The following UBE2E1 variants were observed in gnomAD, a reference collection of about 807,000 sequenced individuals.
The protein encoded by UBE2E1 is ubiquitin conjugating enzyme E2 E1, also known as ubiquitin-conjugating enzyme E2 E1.
In UBE2E1, 6 loss-of-function variants were observed where a neutral mutation model predicts 21.4. That is an observed-to-expected ratio of 0.28 (90% CI 0.15 to 0.55). UBE2E1 has a LOEUF of 0.55. Among genes scored for constraint, UBE2E1 ranks in the 20% least tolerant of loss-of-function variants. UBE2E1 has a pLI of 0.93. For synonymous variants in UBE2E1, 87 were observed against 82.7 expected (o/e 1.05, Z -0.28); for missense variants, 142 against 236.5 (o/e 0.60, Z 2.62).
chr3:23,879,652 C>A (rs899278487), intron 3 of UBE2E1, among the ~76,000 whole-genome samples: 2 of 152,226 alleles, frequency 1.3e-5, no homozygotes, highest in Non-Finnish European at 2.9e-5. Flanking sequence ...GATACCTGTC[C>A]GTGGGCACCA....
chr3:23,884,610 A>G (rs1044609000), intron 3 of UBE2E1, among the ~76,000 whole-genome samples: 2 of 152,206 alleles, frequency 1.3e-5, no homozygotes, highest in Non-Finnish European at 2.9e-5. Flanking sequence ...TTTGTATACT[A>G]AAGGACCAGC....
At chr3:23,847,488 A>ATTTTTTTTTTTTTTTTTTTTTTTTTTTT in intron 3 of UBE2E1, among the ~76,000 whole-genome samples, 1 of 96,130 alleles carries the variant, frequency 1.0e-5, no homozygotes, top group Non-Finnish European at 2.0e-5. Context: ...TGTACTTTAA[A>ATTTTTTTTTTTTTTTTTTTTTTTTTTTT]TTTTTTTTTT....
chr3:23,844,089 C>G (rs1283215738), intron 3 of UBE2E1, among the ~76,000 whole-genome samples: 2 of 152,048 alleles, frequency 1.3e-5, no homozygotes, highest in African/African-American at 4.8e-5. Flanking sequence ...TGTGGGAGAG[C>G]CATGTGGGTG....
In UBE2E1 at chr3:23,836,754, C is replaced by T. The variant is rs1699983202; in HGVS notation, c.203+25244C>T. On this transcript the variant is annotated intron_variant, in intron 3 of 5. Transcript: ENST00000306627. This position sits in a 1 kb window ranked among gnomAD's most constrained non-coding sequence, Gnocchi z 4.1. ...ATTCTTAACCATTGTACACTCTCTA[C>T]CGTGTCCCTCAGGGGCATGTGAAAG... 6.6e-6 allele frequency among the ~76,000 whole-genome samples: 1 copy of T among 152,294 alleles called. No homozygotes were observed. The highest frequency in any genetic ancestry group is 1.9e-4 in the East Asian group (1 of 5,190).
At position 23,876,571 on chromosome 3, in the gene UBE2E1, T is replaced by G. The variant is rs1315822591; in HGVS notation, c.204-10996T>G. ...GTGTGTTTGTCATAGGGAATGTAGA[T>G]GTAATTGGATTTTTTTTTCATATAA... On this transcript the variant is annotated intron_variant, in intron 3 of 5. Coordinates refer to ENST00000306627, the MANE Select transcript of UBE2E1 (RefSeq NM_003341.5). The surrounding 1 kb of genome is among the most constrained non-coding windows in gnomAD (Gnocchi z 4.3). 6.6e-6 allele frequency among the ~76,000 whole-genome samples: 1 copy of G among 152,114 alleles called. No individual in the cohort carries two copies. The highest frequency in any genetic ancestry group is 1.9e-4 in the East Asian group (1 of 5,200).
chr3:23,807,111 A>T, intron 1 of UBE2E1, 126 bp from the exon 2 acceptor site: 1 of 731,252 alleles, frequency 1.4e-6, no homozygotes. Flanking sequence ...GACTTTGAAA[A>T]GCGAGTGGAG....
rs1361666410 is a variant in UBE2E1 at position 23,842,960 on chromosome 3, C to A, written c.203+31450C>A. 2.6e-5 allele frequency among the ~76,000 whole-genome samples: 4 copies of A among 151,734 alleles called. No individual in the cohort carries two copies. The highest frequency in any genetic ancestry group is 7.3e-5 in the African/African-American group (3 of 41,286). ...ATGGTAGTTATGGTATAACTTTATACCATAAAATATCCCATGTGCTATTAT... is the reference window on the plus strand; with the variant it reads ...ATGGTAGTTATGGTATAACTTTATAACATAAAATATCCCATGTGCTATTAT... On this transcript the variant is annotated intron_variant, in intron 3 of 5. Transcript: ENST00000306627. This position sits in a 1 kb window ranked among gnomAD's most constrained non-coding sequence, Gnocchi z 4.6.
chr3:23,854,345 T>C (rs746903641), intron 3 of UBE2E1, among the ~76,000 whole-genome samples: 5 of 152,136 alleles, frequency 3.3e-5, no homozygotes, highest in Non-Finnish European at 5.9e-5. Flanking sequence ...ACCAAAGTAT[T>C]TGGGAGGGAT....
intron 3 of UBE2E1, among the ~76,000 whole-genome samples, chr3:23,845,589 C>CTCTCTCTGTGTGTGTGTG (rs1553637998): frequency 2.5e-5 from 3 of 121,288 alleles, no homozygotes; most frequent in African/African-American, 9.7e-5. Flanking sequence ...CTCTCTCTCT[C>CTCTCTCTGTGTGTGTGTG]TGTGTGTGTG....
At chr3:23,875,117 T>G (rs1168228715) in intron 3 of UBE2E1, among the ~76,000 whole-genome samples, 1 of 152,348 alleles carries the variant, frequency 6.6e-6, no homozygotes, top group East Asian at 1.9e-4. Flanking sequence ...CAGTGTCATC[T>G]AATTTTTTTC....
chr3:23,823,302 T>G lies in UBE2E1; in HGVS notation c.203+11792T>G, dbSNP rs1327900315. On this transcript the variant is annotated intron_variant, in intron 3 of 5. Coordinates refer to ENST00000306627, the MANE Select transcript of UBE2E1 (RefSeq NM_003341.5). The surrounding 1 kb of genome is among the most constrained non-coding windows in gnomAD (Gnocchi z 4.2). ...TTATGCCAGATACTCTTGGTCCTGCTTACCTTGATAATTGAGGGTAGAATT... is the reference window on the plus strand; with the variant it reads ...TTATGCCAGATACTCTTGGTCCTGCGTACCTTGATAATTGAGGGTAGAATT... Among the ~76,000 whole-genome samples, 1 of 152,252 alleles carries G rather than the reference T, an allele frequency of 6.6e-6. No homozygotes were observed. The highest frequency in any genetic ancestry group is 1.5e-5 in the Non-Finnish European group (1 of 68,042).
At chr3:23,828,763 T>C (rs1294016328) in intron 3 of UBE2E1, among the ~76,000 whole-genome samples, 2 of 152,250 alleles carry the variant, frequency 1.3e-5, no homozygotes, top group African/African-American at 4.8e-5. Context: ...GTTAATGACC[T>C]AAGATGTAAA....
At chr3:23,815,503 G>A (rs1699496416) in intron 3 of UBE2E1, among the ~76,000 whole-genome samples, 1 of 152,206 alleles carries the variant, frequency 6.6e-6, no homozygotes, top group South Asian at 2.1e-4. Context: ...GATGCTCCAA[G>A]TTAGCACTTT....
chr3:23,811,703 A>G (rs1341683973), intron 3 of UBE2E1, among the ~76,000 whole-genome samples, 193 bp downstream of exon 3: 1 of 152,188 alleles, frequency 6.6e-6, no homozygotes, highest in African/African-American at 2.4e-5. Flanking sequence ...AGTACTGTTG[A>G]GAAGAAGTAA....
At chr3:23,873,844 T>C (rs1700857123) in intron 3 of UBE2E1, among the ~76,000 whole-genome samples, 1 of 152,162 alleles carries the variant, frequency 6.6e-6, no homozygotes, top group Non-Finnish European at 1.5e-5. Context: ...CCATATAACA[T>C]GCAAGTTGGA....
At chr3:23,849,919 G>A (rs1239837579) in intron 3 of UBE2E1, among the ~76,000 whole-genome samples, 1 of 152,082 alleles carries the variant, frequency 6.6e-6, no homozygotes, top group African/African-American at 2.4e-5. Flanking sequence ...CTAGATCCTT[G>A]AGGAATTGCC....
At chr3:23,879,119 G>A (rs1700980712) in intron 3 of UBE2E1, 1 of 537,600 alleles carries the variant, frequency 1.9e-6, no homozygotes, top group African/African-American at 2.0e-5. Flanking sequence ...ACTATAAGTA[G>A]AGGGACTGCT....
At chr3:23,882,750 A>T (rs960741732) in intron 3 of UBE2E1, among the ~76,000 whole-genome samples, 1 of 152,204 alleles carries the variant, frequency 6.6e-6, no homozygotes, top group Admixed American at 6.5e-5. Flanking sequence ...CTGGGGGACC[A>T]GGCGCACCCT....
rs535142028 is a variant in UBE2E1 at position 23,808,186 on chromosome 3, A to G, written c.152+765A>G. ...TATTCTTTTCCTCTTAAGGCCCTGAAGGTAGCTACTTTTTATCCCTGCCAT... is the reference window on the plus strand; with the variant it reads ...TATTCTTTTCCTCTTAAGGCCCTGAGGGTAGCTACTTTTTATCCCTGCCAT... On this transcript the variant is annotated intron_variant, in intron 2 of 5. Transcript: ENST00000306627. The surrounding 1 kb of genome is among the most constrained non-coding windows in gnomAD (Gnocchi z 4.9). Among the ~76,000 whole-genome samples, 6 of 152,236 alleles carry G rather than the reference A, an allele frequency of 3.9e-5. No homozygotes were observed. In the South Asian group the frequency reaches 1.2e-3, roughly 32 times the overall value.
Sources: allele counts gnomAD v4.1 joint callset (sites outside exome capture counted in the v4.1 genomes callset), GRCh38; gene constraint gnomAD v4.1.1; non-coding constraint Gnocchi (gnomAD v3.1); transcripts MANE v1.5; gene names NCBI Gene and HGNC (gene_info 2026-07-23, HGNC 2026-07-21).